Variants in PAQR5 observed in about 807,000 individuals in gnomAD.
PAQR5 encodes progestin and adipoQ receptor family member 5.
In PAQR5, 20 loss-of-function variants were observed where a neutral mutation model predicts 34.5. That is an observed-to-expected ratio of 0.58 (90% confidence interval 0.41 to 0.84). PAQR5 has a LOEUF of 0.84. Ranked by LOEUF, PAQR5 falls within the 40% of genes least tolerant of loss-of-function variation. PAQR5 has a pLI of 0.00. For missense variants in PAQR5, 378 were observed against 412.7 expected (o/e 0.92, Z 0.73); for synonymous variants, 131 against 155.6 (o/e 0.84, Z 1.18).
At chr15:69,339,439 C>CT (rs531596385) in intron 2 of PAQR5, among the ~76,000 whole-genome samples, 9 of 152,076 alleles carry the variant, frequency 5.9e-5, no homozygotes, top group Non-Finnish European at 1.2e-4. Flanking sequence ...CCACAACAAT[C>CT]TTTTTGTTGT....
intron 2 of PAQR5, among the ~76,000 whole-genome samples, chr15:69,358,533 C>T (rs972826929): frequency 6.0e-5 from 9 of 151,128 alleles, no homozygotes; most frequent in African/African-American, 1.7e-4. Flanking sequence ...CTCCCTGCTG[C>T]GGTGCGGCCT....
At chr15:69,378,304 G>C (rs2055770990) in intron 3 of PAQR5, among the ~76,000 whole-genome samples, 1 of 138,884 alleles carries the variant, frequency 7.2e-6, no homozygotes, top group Non-Finnish European at 1.5e-5. Flanking sequence ...GCTGACCATG[G>C]TGGCACTCCT....
intron 6 of PAQR5, among the ~76,000 whole-genome samples, chr15:69,390,062 C>T (rs1324011987): frequency 6.6e-6 from 1 of 152,210 alleles, no homozygotes; most frequent in Non-Finnish European, 1.5e-5. Flanking sequence ...GTCACCCAGG[C>T]TGAAGTGTGA....
intron 3 of PAQR5, among the ~76,000 whole-genome samples, chr15:69,366,592 C>A (rs370204478): frequency 6.6e-6 from 1 of 152,216 alleles, no homozygotes; most frequent in Non-Finnish European, 1.5e-5. Context: ...CAATCCTTGA[C>A]GTTTGTTCAG....
intron 3 of PAQR5, among the ~76,000 whole-genome samples, chr15:69,362,553 G>C (rs1392858917): frequency 1.3e-5 from 2 of 152,170 alleles, no homozygotes; most frequent in African/African-American, 4.8e-5. Context: ...GGGATCTGTG[G>C]GTTCCAATAC....
chr15:69,315,538 C>A lies in PAQR5; in HGVS notation c.-277+16482C>A, dbSNP rs144360268. Among the ~76,000 whole-genome samples, 927 of 152,068 alleles carry A rather than the reference C, an allele frequency of 6.1e-3. 9 individuals are homozygous for A. The highest frequency in any genetic ancestry group is 0.021 in the African/African-American group (890 of 41,536). Reference sequence around the variant, plus strand: ...ACTGCAGAGGTGACCACTTTTCCACCTTCTTACCCAGCCTTACCTTCTTAC... The same window carrying A: ...ACTGCAGAGGTGACCACTTTTCCACATTCTTACCCAGCCTTACCTTCTTAC... On this transcript the variant is annotated intron_variant, in intron 1 of 8. Transcript: ENST00000395407.
chr15:69,403,509 G>A, intron 8 of PAQR5, 72 bp from the exon 9 acceptor site: 3 of 1,432,218 alleles, frequency 2.1e-6, no homozygotes, highest in South Asian at 1.3e-5. Context: ...TTTTTAGCAT[G>A]AATGCCATAG....
At chr15:69,311,809 G>A (rs914254047) in intron 1 of PAQR5, among the ~76,000 whole-genome samples, 6 of 152,222 alleles carry the variant, frequency 3.9e-5, no homozygotes, top group South Asian at 2.1e-4. Flanking sequence ...CTTGGGAAAT[G>A]TGGGTGATAC....
chr15:69,375,997 G>A (rs1046070903), intron 3 of PAQR5, among the ~76,000 whole-genome samples: 10 of 152,228 alleles, frequency 6.6e-5, no homozygotes, highest in Non-Finnish European at 1.3e-4. Context: ...GTGCATGCAA[G>A]TCTTGGCCAT....
At chr15:69,359,412 G>A (rs528259559) in intron 2 of PAQR5, among the ~76,000 whole-genome samples, 16 of 152,248 alleles carry the variant, frequency 1.1e-4, no homozygotes, top group African/African-American at 3.4e-4. Flanking sequence ...CTCAAGGGCC[G>A]AGCTCCCCAA....
chr15:69,365,457 A>T (rs539838522), intron 3 of PAQR5, among the ~76,000 whole-genome samples: 3 of 152,250 alleles, frequency 2.0e-5, no homozygotes, highest in African/African-American at 7.2e-5. Flanking sequence ...TTTTGAGATG[A>T]TCATATATGA....
intron 6 of PAQR5, chr15:69,397,107 C>T (rs1384965633): frequency 2.2e-6 from 1 of 450,106 alleles, no homozygotes; most frequent in Non-Finnish European, 4.5e-6. Flanking sequence ...CCCCCGATTC[C>T]CCCTACCCGT....
At chr15:69,361,777 G>T (rs1489111084) in intron 3 of PAQR5, among the ~76,000 whole-genome samples, 4 of 152,188 alleles carry the variant, frequency 2.6e-5, no homozygotes, top group Admixed American at 6.5e-5. Flanking sequence ...TACAATTTCA[G>T]ATGAGATTTG....
intron 4 of PAQR5, among the ~76,000 whole-genome samples, chr15:69,384,004 A>T (rs1273972374): frequency 7.0e-5 from 3 of 42,580 alleles, no homozygotes; most frequent in Admixed American, 4.6e-4. Context: ...GGCCCTCTGT[A>T]TTCATGGTGG....
chr15:69,342,811 A>G (rs772830761), intron 2 of PAQR5, among the ~76,000 whole-genome samples: 3 of 152,218 alleles, frequency 2.0e-5, no homozygotes, highest in Non-Finnish European at 2.9e-5. Context: ...GCCTAAACTC[A>G]GGACCTCCCC....
intron 3 of PAQR5, among the ~76,000 whole-genome samples, chr15:69,376,128 G>C (rs932245044): frequency 6.6e-6 from 1 of 152,146 alleles, no homozygotes; most frequent in African/African-American, 2.4e-5. Context: ...CATATGATTT[G>C]ATTTCATTTC....
At chr15:69,369,177 G>A (rs532661003) in intron 3 of PAQR5, among the ~76,000 whole-genome samples, 3 of 151,834 alleles carry the variant, frequency 2.0e-5, no homozygotes, top group African/African-American at 7.3e-5. Context: ...TATCTCTGCC[G>A]TCTACTGTTT....
At chr15:69,341,152 C>T (rs990691509) in intron 2 of PAQR5, among the ~76,000 whole-genome samples, 2 of 151,974 alleles carry the variant, frequency 1.3e-5, no homozygotes, top group East Asian at 1.9e-4. Flanking sequence ...CTACGTATCC[C>T]TTAAACACTA....
chr15:69,313,063 G>A (rs1870809027), intron 1 of PAQR5, among the ~76,000 whole-genome samples: 1 of 152,192 alleles, frequency 6.6e-6, no homozygotes, highest in Non-Finnish European at 1.5e-5. Context: ...TTCAGCAAGT[G>A]CTTGCCTAGT....
Sources: gnomAD v4.1 joint callset for allele counts (sites outside exome capture counted in the v4.1 genomes callset) on GRCh38, gnomAD v4.1.1 for gene constraint, MANE v1.5 for transcripts, NCBI Gene and HGNC (gene_info 2026-07-23, HGNC 2026-07-21) for gene names.